The following KCNB2 variants were observed in gnomAD, a reference collection of about 807,000 sequenced individuals.
KCNB2 encodes the protein delayed rectifier potassium channel protein.
In KCNB2, 15 loss-of-function variants were observed where a neutral mutation model predicts 61.5. That is an observed-to-expected ratio of 0.24 (90% CI 0.16 to 0.38). KCNB2 has a LOEUF of 0.38. Ranked by LOEUF, KCNB2 falls within the 10% of genes least tolerant of loss-of-function variation. The pLI is 1.00. For synonymous variants in KCNB2, 457 were observed against 446.0 expected (o/e 1.02, Z -0.31); for missense variants, 828 against 1,125.2 (o/e 0.74, Z 3.78).
intron 2 of KCNB2, among the ~76,000 whole-genome samples, chr8:72,843,816 G>A (rs1809938134): frequency 6.6e-6 from 1 of 151,758 alleles, no homozygotes; most frequent in South Asian, 2.1e-4. Context: ...CCTTTATTTT[G>A]AGCCTATGTA....
chr8:72,823,844 A>T (rs1473671975), intron 2 of KCNB2, among the ~76,000 whole-genome samples: 1 of 152,136 alleles, frequency 6.6e-6, no homozygotes, highest in East Asian at 1.9e-4. Flanking sequence ...ACCAAAGCCC[A>T]GGTGTCCTGT....
At chr8:72,650,839 G>A (rs1806200092) in intron 2 of KCNB2, among the ~76,000 whole-genome samples, 1 of 152,132 alleles carries the variant, frequency 6.6e-6, no homozygotes, top group Non-Finnish European at 1.5e-5. Flanking sequence ...ATAAATACAA[G>A]GAGATAGATG....
intron 2 of KCNB2, among the ~76,000 whole-genome samples, chr8:72,838,379 T>A (rs1197013840): frequency 6.6e-6 from 1 of 152,208 alleles, no homozygotes; most frequent in African/African-American, 2.4e-5. Context: ...TTTCTGTCCT[T>A]GTGATAGTTT....
chr8:72,603,876 G>A (rs1191195654), intron 2 of KCNB2, among the ~76,000 whole-genome samples: 1 of 152,142 alleles, frequency 6.6e-6, no homozygotes, highest in Non-Finnish European at 1.5e-5. Flanking sequence ...CTTGGAGGTA[G>A]AAATTGGCAT....
intron 2 of KCNB2, among the ~76,000 whole-genome samples, chr8:72,705,830 A>G (rs1189639298): frequency 6.6e-6 from 1 of 152,242 alleles, no homozygotes; most frequent in Admixed American, 6.5e-5. Flanking sequence ...TGGCACCCCA[A>G]GCACCCTCAA....
chr8:72,657,440 A>G (rs1806309108), intron 2 of KCNB2, among the ~76,000 whole-genome samples: 2 of 152,166 alleles, frequency 1.3e-5, no homozygotes, highest in Non-Finnish European at 2.9e-5. Context: ...AGTTTCTAAT[A>G]TCTCCAATTT....
intron 2 of KCNB2, among the ~76,000 whole-genome samples, chr8:72,571,651 A>T (rs934800816): frequency 6.6e-6 from 1 of 152,158 alleles, no homozygotes; most frequent in African/African-American, 2.4e-5. Flanking sequence ...ACATGTCCTC[A>T]TATAGAAATA....
At chr8:72,865,838 C>T (rs1415500967) in intron 2 of KCNB2, among the ~76,000 whole-genome samples, 2 of 152,162 alleles carry the variant, frequency 1.3e-5, no homozygotes, top group Non-Finnish European at 2.9e-5. Flanking sequence ...GACCCCCATC[C>T]ACTCTAACTT....
intron 2 of KCNB2, among the ~76,000 whole-genome samples, chr8:72,839,942 G>C (rs1046551495): frequency 6.6e-6 from 1 of 151,634 alleles, no homozygotes; most frequent in Non-Finnish European, 1.5e-5. Context: ...TTAAGTTCTG[G>C]GATACATGTG....
intron 2 of KCNB2, among the ~76,000 whole-genome samples, chr8:72,586,197 A>G (rs1257535381): frequency 6.6e-6 from 1 of 152,222 alleles, no homozygotes; most frequent in African/African-American, 2.4e-5. Context: ...CCACTTGGAA[A>G]TCTGTGAGGC....
At chr8:72,675,519 A>T (rs1166163061) in intron 2 of KCNB2, among the ~76,000 whole-genome samples, 3 of 145,640 alleles carry the variant, frequency 2.1e-5, no homozygotes, top group African/African-American at 7.5e-5. Flanking sequence ...CTGCAGTCGG[A>T]TTTTTTTTTT....
At chr8:72,711,546 G>T (rs1468684495) in intron 2 of KCNB2, among the ~76,000 whole-genome samples, 2 of 152,170 alleles carry the variant, frequency 1.3e-5, no homozygotes, top group Admixed American at 6.5e-5. Context: ...ATTCACAGGA[G>T]GCCTTTTAGA....
rs1242886932 is a variant in KCNB2 at position 72,936,174 on chromosome 8, C to T, written c.819C>T (p.Ala273=). The part of the protein sequence containing the change: ...KGPLNVIDLL[A]ILPYYVTIFL... ...CACTGAATGTCATTGATTTGCTGGCCATCTTGCCGTACTATGTCACCATTT... is the reference window on the plus strand; with the variant it reads ...CACTGAATGTCATTGATTTGCTGGCTATCTTGCCGTACTATGTCACCATTT... The change falls in exon 3 of 3, where the codon GCC becomes GCT. Residue 273 remains alanine, a synonymous_variant. Coordinates refer to ENST00000523207, the MANE Select transcript of KCNB2 (RefSeq NM_004770.3). The surrounding 1 kb of genome is among the most constrained non-coding windows in gnomAD (Gnocchi z 5.6). 6.2e-7 allele frequency: 1 copy of T among 1,614,210 alleles called. No individual in the cohort carries two copies. Among genetic ancestry groups the T allele is most frequent in the South Asian group, 1.1e-5 (1 of 91,092 alleles).
At chr8:72,892,318 A>G (rs993921674) in intron 2 of KCNB2, among the ~76,000 whole-genome samples, 6 of 152,124 alleles carry the variant, frequency 3.9e-5, no homozygotes, top group Non-Finnish European at 7.4e-5. Flanking sequence ...AGAAGCAGTG[A>G]CCTTAGGAAG....
At chr8:72,565,065 T>G (rs1004777054) in intron 1 of KCNB2, among the ~76,000 whole-genome samples, 4 of 152,166 alleles carry the variant, frequency 2.6e-5, no homozygotes, top group Non-Finnish European at 5.9e-5. Context: ...GAATTTAAGT[T>G]GCTTAGTCAA....
chr8:72,932,984 C>T (rs532241679), intron 2 of KCNB2, among the ~76,000 whole-genome samples: 1 of 152,228 alleles, frequency 6.6e-6, no homozygotes, highest in African/African-American at 2.4e-5. Context: ...TAAAATAAGT[C>T]CTTCCTCTAA....
chr8:72,803,087 C>G (rs903641985), intron 2 of KCNB2, among the ~76,000 whole-genome samples: 35 of 152,290 alleles, frequency 2.3e-4, no homozygotes, highest in African/African-American at 8.2e-4. Context: ...AGCTCTGTGT[C>G]CATGGTCTCG....
chr8:72,853,215 T>G (rs1319993831), intron 2 of KCNB2, among the ~76,000 whole-genome samples: 1 of 152,170 alleles, frequency 6.6e-6, no homozygotes, highest in Non-Finnish European at 1.5e-5. Context: ...AGAACAGAGC[T>G]CTTTGCTTCT....
chr8:72,618,339 T>C (rs1370752852), intron 2 of KCNB2, among the ~76,000 whole-genome samples: 1 of 152,214 alleles, frequency 6.6e-6, no homozygotes. Flanking sequence ...CTCCTTCTTT[T>C]TCTTGCCTAT....
Sources: allele counts gnomAD v4.1 joint callset (sites outside exome capture counted in the v4.1 genomes callset), GRCh38; gene constraint gnomAD v4.1.1; non-coding constraint Gnocchi (gnomAD v3.1); transcripts MANE v1.5; gene names NCBI Gene and HGNC (gene_info 2026-07-23, HGNC 2026-07-21).